WDR7: variants seen among roughly 807,000 people sequenced by gnomAD.
The protein encoded by WDR7 is WD repeat domain 7.
A neutral mutation model predicts 169.4 loss-of-function variants in WDR7; 46 were observed. The observed-to-expected ratio is 0.27, with a 90% CI of 0.21 to 0.35. The LOEUF (loss-of-function observed/expected upper bound fraction) is 0.35, where lower values mean the gene tolerates loss of function less well. Among genes scored for constraint, WDR7 ranks in the 10% least tolerant of loss-of-function variants. WDR7 has a pLI of 1.00. For missense variants in WDR7, 1,534 were observed against 1,859.3 expected, an observed-to-expected ratio of 0.83 and a Z score of 3.22; for synonymous variants, 612 against 666.8, an observed-to-expected ratio of 0.92 and a Z score of 1.27.
chr18:56,676,032 T>G (rs1287945406), intron 2 of WDR7, among the ~76,000 whole-genome samples: 1 of 152,148 alleles, frequency 6.6e-6, no homozygotes, highest in African/African-American at 2.4e-5. Flanking sequence ...TAATAATATT[T>G]GCTTTATATA....
chr18:56,878,430 T>G (rs1049596858), intron 20 of WDR7, among the ~76,000 whole-genome samples: 15 of 152,172 alleles, frequency 9.9e-5, no homozygotes, highest in African/African-American at 3.4e-4. Context: ...ACTTGTGAGA[T>G]TCTTAGAAAC....
At chr18:56,671,987 T>C (rs1488508188) in intron 1 of WDR7, among the ~76,000 whole-genome samples, 1 of 152,214 alleles carries the variant, frequency 6.6e-6, no homozygotes, top group Admixed American at 6.5e-5. Flanking sequence ...TCTTTTTTAA[T>C]GGAGGCATAC....
intron 1 of WDR7, among the ~76,000 whole-genome samples, chr18:56,667,177 A>G (rs1388072952): frequency 6.6e-6 from 1 of 151,506 alleles, no homozygotes; most frequent in South Asian, 2.1e-4. Flanking sequence ...CTTCCCTCCT[A>G]CCTCTTTCCT....
chr18:56,977,844 T>G (rs2047589343), intron 26 of WDR7, among the ~76,000 whole-genome samples: 1 of 152,212 alleles, frequency 6.6e-6, no homozygotes, highest in Non-Finnish European at 1.5e-5. Context: ...ACCAGCTGCC[T>G]AAAGCCTCCT....
intron 20 of WDR7, among the ~76,000 whole-genome samples, chr18:56,854,923 G>T (rs1053802082): frequency 1.8e-4 from 28 of 152,060 alleles, no homozygotes; most frequent in Admixed American, 1.8e-3. Flanking sequence ...AGTAACAAGG[G>T]CTAAGGGAGT....
intron 25 of WDR7, among the ~76,000 whole-genome samples, chr18:56,941,876 C>T (rs895135225): frequency 2.0e-5 from 3 of 152,264 alleles, no homozygotes; most frequent in Middle Eastern, 3.4e-3. Context: ...CGTGTGCACA[C>T]GCACTCTGCC....
intron 16 of WDR7, among the ~76,000 whole-genome samples, chr18:56,774,953 C>T (rs992360283): frequency 6.6e-6 from 1 of 151,912 alleles, no homozygotes; most frequent in Non-Finnish European, 1.5e-5. Flanking sequence ...TATCGAGAAT[C>T]TGTTTTTTTC....
At chr18:56,726,168 G>GT (rs1232686642) in intron 13 of WDR7, among the ~76,000 whole-genome samples, 3 of 152,166 alleles carry the variant, frequency 2.0e-5, no homozygotes, top group Non-Finnish European at 2.9e-5. Flanking sequence ...CTTTAAAGTA[G>GT]TTTTTTCCAA....
chr18:57,026,319 G>T (rs760249304), intron 27 of WDR7, among the ~76,000 whole-genome samples: 4 of 152,308 alleles, frequency 2.6e-5, no homozygotes, highest in Non-Finnish European at 4.4e-5. Context: ...TGATAAAAAG[G>T]TATTGTCAAT....
chr18:56,666,289 C>T (rs1370099111), intron 1 of WDR7, among the ~76,000 whole-genome samples: 2 of 148,112 alleles, frequency 1.4e-5, no homozygotes, highest in East Asian at 2.1e-4. Context: ...CTGCAACCTC[C>T]GTCTCCCGGG....
intron 26 of WDR7, among the ~76,000 whole-genome samples, chr18:57,003,935 G>A (rs939732751): frequency 4.0e-5 from 6 of 151,686 alleles, no homozygotes; most frequent in Non-Finnish European, 5.9e-5. Flanking sequence ...TATTCCCTCC[G>A]CATGGAGGGT....
chr18:56,679,425 G>C lies in WDR7; in HGVS notation c.253G>C (p.Ala85Pro), dbSNP rs2025311426. The C allele has an allele frequency of 6.2e-7, 1 of 1,601,916 alleles. No individual in the cohort carries two copies. The highest frequency in any genetic ancestry group is 2.2e-5 in the East Asian group (1 of 44,564). Residue 85 changes from alanine to proline, a missense_variant, in exon 3 of 28, where the codon GCA becomes CCA. Ala to Pro is a conservative substitution (Grantham distance 27, BLOSUM62 -1). Transcript: ENST00000254442. Reference sequence around the variant, plus strand: ...CAGTGACAAACAGTATATTGTGAGTGCATCTGAAAGTGGGTAAGTATTTTC... The same window carrying C: ...CAGTGACAAACAGTATATTGTGAGTCCATCTGAAAGTGGGTAAGTATTTTC... ...ASSDKQYIVS[A>P]SESGEMCLWD...
At chr18:56,752,362 A>T (rs1376567895) in intron 14 of WDR7, among the ~76,000 whole-genome samples, 1 of 152,026 alleles carries the variant, frequency 6.6e-6, no homozygotes, top group Non-Finnish European at 1.5e-5. Context: ...ATTGCTCATT[A>T]CATCTTCCAT....
At chr18:56,804,319 T>C (rs961196244) in intron 19 of WDR7, among the ~76,000 whole-genome samples, 1 of 152,206 alleles carries the variant, frequency 6.6e-6, no homozygotes, top group Non-Finnish European at 1.5e-5. Context: ...CCCAAAAGAT[T>C]AGAATCCTTA....
intron 21 of WDR7, among the ~76,000 whole-genome samples, chr18:56,920,495 G>A (rs2046700621): frequency 6.6e-6 from 1 of 152,032 alleles, no homozygotes; most frequent in African/African-American, 2.4e-5. Flanking sequence ...CAATTCATAG[G>A]TATTACATGA....
chr18:56,828,553 T>C (rs1347538091), intron 20 of WDR7, among the ~76,000 whole-genome samples: 1 of 152,178 alleles, frequency 6.6e-6, no homozygotes, highest in Admixed American at 6.5e-5. Flanking sequence ...TGGAGAAAGA[T>C]ACCTTAAAAT....
At chr18:56,698,110 G>T (rs1309405524) in intron 12 of WDR7, among the ~76,000 whole-genome samples, 3 of 151,860 alleles carry the variant, frequency 2.0e-5, no homozygotes, top group Non-Finnish European at 2.9e-5. Flanking sequence ...CAGGAGAATT[G>T]CTTGAACCTG....
intron 26 of WDR7, among the ~76,000 whole-genome samples, chr18:56,984,776 T>A (rs928353705): frequency 1.4e-4 from 22 of 152,306 alleles, no homozygotes; most frequent in Non-Finnish European, 1.9e-4. Flanking sequence ...AGGATGAATT[T>A]GTGATTGTTA....
At chr18:56,805,224 C>A (rs902200162) in intron 19 of WDR7, among the ~76,000 whole-genome samples, 25 of 152,136 alleles carry the variant, frequency 1.6e-4, no homozygotes, top group African/African-American at 6.0e-4. Context: ...CCCATCCACA[C>A]CTCCTTAAAC....
Sources: allele counts gnomAD v4.1 joint callset (sites outside exome capture counted in the v4.1 genomes callset), GRCh38; gene constraint gnomAD v4.1.1; transcripts MANE v1.5; gene names NCBI Gene and HGNC (gene_info 2026-07-23, HGNC 2026-07-21).